DUOX1: variants seen among roughly 807,000 people sequenced by gnomAD.
The protein encoded by DUOX1 is NADPH thyroid oxidase 1.
Under a neutral mutation model 181.8 loss-of-function variants are expected in DUOX1, and 134 were observed. That is an observed-to-expected ratio of 0.74 (90% CI 0.64 to 0.85). DUOX1 has a LOEUF of 0.85. DUOX1 is among the 40% of genes least tolerant of loss of function. The pLI is 0.00. For missense variants in DUOX1, 1,814 were observed against 2,064.4 expected (o/e 0.88, Z 2.35); for synonymous variants, 798 against 832.5 (o/e 0.96, Z 0.71).
chr15:45,150,700 T>C lies in DUOX1; in HGVS notation c.2887T>C (p.Cys963Arg). ...CTCCTACATCAGCCAGGATATGATC[T>C]GGTGAGCACCCATCTGGGAATGTCG... is the stretch of plus-strand genomic sequence containing the variant. ...RASYISQDMI[C>R]PSPRVSARCS... Residue 963 changes from cysteine (C) to arginine (R), a missense_variant and splice_region_variant, in exon 22 of 34, where the codon TGT becomes CGT. Coordinates refer to ENST00000389037, the MANE Select transcript of DUOX1 (RefSeq NM_175940.3). 6.2e-7 allele frequency: 1 copy of C among 1,613,888 alleles called. No individual in the cohort carries two copies. The highest frequency in any genetic ancestry group is 2.2e-5 in the East Asian group (1 of 44,880).
In DUOX1 at chr15:45,143,197, G is replaced by A. The variant is rs753752730; in HGVS notation, c.1830G>A (p.Leu610=). The A allele has an allele frequency of 6.2e-7, 1 of 1,614,016 alleles. No individual in the cohort carries two copies. Among genetic ancestry groups the A allele is most frequent in the Admixed American group, 1.7e-5 (1 of 60,008 alleles). Residue 610 remains leucine (L), a synonymous_variant, in exon 16 of 34, where the codon CTG becomes CTA. Coordinates refer to ENST00000389037, the MANE Select transcript of DUOX1 (RefSeq NM_175940.3). ...GTLCCFPLVS[L]LSAWIVARLR... is the part of the protein sequence containing the mutation. ...CTGCCTCTGCCCTCCCAGTGAGCCT[G>A]CTCAGTGCCTGGATTGTTGCCCGGC... is the stretch of plus-strand genomic sequence containing the variant.
intron 30 of DUOX1, 79 bp downstream of exon 30, chr15:45,162,049 G>C: frequency 2.0e-6 from 3 of 1,477,936 alleles, no homozygotes; most frequent in East Asian, 4.9e-5. Flanking sequence ...TAGACTCCCC[G>C]CTCTGTGCCT....
intron 4 of DUOX1, among the ~76,000 whole-genome samples, chr15:45,134,776 G>A (rs987864752): frequency 2.0e-5 from 3 of 152,196 alleles, no homozygotes; most frequent in Non-Finnish European, 2.9e-5. Context: ...GACAGGATTG[G>A]TGGCTGGTCC....
rs758869498 is a variant in DUOX1, at chr15:45,153,492, G to A, written c.3524+13G>A. 2.1e-5 allele frequency: 22 copies of A among 1,047,248 alleles called. No homozygotes were observed. Among genetic ancestry groups the A allele is most frequent in the Admixed American group, 1.1e-4 (6 of 52,750 alleles). The allele number at this position is 1,047,248 out of a possible 1,614,324, so 64.9% of individuals were successfully genotyped here. On this transcript the variant is annotated intron_variant, in intron 26 of 33. Transcript: ENST00000389037. ...TCCATGATGATGGGTGAGTAAGTGC[G>A]AATGTGTGTGTGTGTGTGTGTGTGT...
At chr15:45,143,885 G>T in intron 16 of DUOX1, 151 bp from the exon 17 acceptor site, 1 of 703,452 alleles carries the variant, frequency 1.4e-6, no homozygotes, top group South Asian at 1.8e-5. Context: ...GGCACAGCCA[G>T]GCTTTCAGGG....
chr15:45,137,855 AC>A, intron 9 of DUOX1, 68 bp from the exon 10 acceptor site: 1 of 1,317,264 alleles, frequency 7.6e-7, no homozygotes, highest in Non-Finnish European at 1.0e-6. Context: ...CGCCTCAGAG[AC>A]CAGAACTGAT....
Position 45,142,452 on chromosome 15 carries a change from G to A in DUOX1, c.1822+340G>A, listed in dbSNP as rs149818720. On this transcript the variant is annotated intron_variant, in intron 15 of 33. Transcript: ENST00000389037. Reference sequence around the variant, plus strand: ...TTAAGAACAAGGGCTAAGACGGGGCGCGGTGGCTCATGCCTGTAATCCCAG... The same window carrying A: ...TTAAGAACAAGGGCTAAGACGGGGCACGGTGGCTCATGCCTGTAATCCCAG... Among the ~76,000 whole-genome samples, 587 of 152,250 alleles carry A rather than the reference G, an allele frequency of 3.9e-3. 5 individuals are homozygous for A. The highest frequency in any genetic ancestry group is 0.018 in the South Asian group (89 of 4,822).
intron 33 of DUOX1, among the ~76,000 whole-genome samples, chr15:45,164,253 AC>A (rs1228252365): frequency 6.6e-6 from 1 of 152,174 alleles, no homozygotes; most frequent in Non-Finnish European, 1.5e-5. Context: ...CACTGAGGGA[AC>A]CTTTACCATG....
intron 4 of DUOX1, among the ~76,000 whole-genome samples, chr15:45,134,631 A>AG (rs924937449): frequency 7.0e-4 from 107 of 152,162 alleles, no homozygotes; most frequent in African/African-American, 2.4e-3. Context: ...ATAATCTGGG[A>AG]GGGCCTCTCC....
intron 30 of DUOX1, 80 bp downstream of exon 30, chr15:45,162,050 C>T (rs1057480286): frequency 2.7e-6 from 4 of 1,468,468 alleles, no homozygotes; most frequent in Non-Finnish European, 2.8e-6. Flanking sequence ...AGACTCCCCG[C>T]TCTGTGCCTC....
intron 22 of DUOX1, 69 bp downstream of exon 22, chr15:45,150,770 G>A: frequency 6.8e-7 from 1 of 1,463,946 alleles, no homozygotes; most frequent in Non-Finnish European, 9.5e-7. Context: ...CTGAATGGCT[G>A]GGATCAGGGC....
chr15:45,162,675 G>A (rs1897138608), intron 31 of DUOX1, among the ~76,000 whole-genome samples: 3 of 152,256 alleles, frequency 2.0e-5, no homozygotes, highest in Admixed American at 6.5e-5. Context: ...GGCAAGGTTG[G>A]AGGGGGTAAA....
In DUOX1 at chr15:45,140,888, G is replaced by C; in HGVS notation, c.1390-7G>C. 1.9e-6 allele frequency: 3 copies of C among 1,612,552 alleles called. No homozygotes were observed. In the South Asian group the frequency reaches 3.3e-5, roughly 18 times the overall value. On this transcript the variant is annotated splice_region_variant and splice_polypyrimidine_tract_variant and intron_variant, in intron 12 of 33. Coordinates refer to ENST00000389037, the MANE Select transcript of DUOX1 (RefSeq NM_175940.3). ...TTTCTCTTACTTCTGCCCCTTCTTG[G>C]TTCCAGGTACTGGAGGCCACAGCTG...
chr15:45,152,701 C>G (rs1896848839), intron 25 of DUOX1, 185 bp downstream of exon 25: 1 of 631,958 alleles, frequency 1.6e-6, no homozygotes, highest in Non-Finnish European at 2.8e-6. Context: ...CCAAGTGCCT[C>G]TTCCCGCACT....
intron 1 of DUOX1, 85 bp from the exon 2 acceptor site, chr15:45,131,833 A>C (rs1346062950): frequency 2.1e-6 from 2 of 956,710 alleles, no homozygotes; most frequent in Non-Finnish European, 3.3e-6. Context: ...GCCCAGCCCC[A>C]GGCCTTGATT....
chr15:45,148,572 T>C (rs1896721636), intron 21 of DUOX1, 125 bp downstream of exon 21: 6 of 1,030,020 alleles, frequency 5.8e-6, no homozygotes, highest in Admixed American at 3.0e-5. Context: ...AAAATGAATG[T>C]AGTAATATGT....
Position 45,163,872 on chromosome 15 carries a change from C to A in DUOX1, c.4487C>A (p.Pro1496His). Residue 1496 changes from proline to histidine, a missense_variant, in exon 33 of 34, where the codon CCC becomes CAC. Physicochemically the swap from Pro to His is moderately conservative, Grantham distance 77. Transcript: ENST00000389037. ...GLRSITHFGR[P>H]PFEPFFNSLQ... ...CGCTCCATCACCCACTTTGGCCGTC[C>A]CCCCTTTGAGCCCTTCTTCAACTCC... The A allele has an allele frequency of 6.2e-7, 1 of 1,614,112 alleles. No individual in the cohort carries two copies. Among genetic ancestry groups the A allele is most frequent in the Non-Finnish European group, 8.5e-7 (1 of 1,180,016 alleles).
chr15:45,149,722 C>T (rs1226963762), intron 21 of DUOX1, among the ~76,000 whole-genome samples: 1 of 152,186 alleles, frequency 6.6e-6, no homozygotes, highest in African/African-American at 2.4e-5. Context: ...TGTGGTGGCA[C>T]ATGCCTGTAG....
chr15:45,161,151 C>T (rs891118690), intron 29 of DUOX1, among the ~76,000 whole-genome samples, 161 bp downstream of exon 29: 5 of 151,980 alleles, frequency 3.3e-5, no homozygotes, highest in Admixed American at 6.5e-5. Flanking sequence ...CAGTGGCTCA[C>T]GCCTGTAATC....
Sources: allele counts gnomAD v4.1 joint callset (sites outside exome capture counted in the v4.1 genomes callset), GRCh38; gene constraint gnomAD v4.1.1; transcripts MANE v1.5; gene names NCBI Gene and HGNC (gene_info 2026-07-23, HGNC 2026-07-21).